The following PLEKHA7 variants were observed in gnomAD, a reference collection of about 807,000 sequenced individuals.
PLEKHA7 encodes pleckstrin homology domain-containing family A member 7.
A neutral mutation model predicts 170.0 loss-of-function variants in PLEKHA7; 104 were observed. That is an observed-to-expected ratio of 0.61 (90% confidence interval 0.52 to 0.72). The LOEUF is 0.72. PLEKHA7 is among the 30% of genes least tolerant of loss of function. PLEKHA7 has a pLI of 0.00. For synonymous variants in PLEKHA7, 648 were observed against 660.8 expected (o/e 0.98, Z 0.30); for missense variants, 1,615 against 1,671.7 (o/e 0.97, Z 0.59).
intron 3 of PLEKHA7, among the ~76,000 whole-genome samples, chr11:16,996,732 C>T (rs1864362449): frequency 6.6e-6 from 1 of 152,032 alleles, no homozygotes. Flanking sequence ...GTCACGAGAT[C>T]GAGACCATCC....
intron 3 of PLEKHA7, among the ~76,000 whole-genome samples, chr11:16,960,673 AG>A (rs1862003714): frequency 6.6e-6 from 1 of 151,838 alleles, no homozygotes; most frequent in South Asian, 2.1e-4. Flanking sequence ...CCACAGCCCA[AG>A]GTGATACTCA....
At chr11:16,885,511 T>C (rs1856025675) in intron 3 of PLEKHA7, among the ~76,000 whole-genome samples, 1 of 146,488 alleles carries the variant, frequency 6.8e-6, no homozygotes, top group Non-Finnish European at 1.5e-5. Flanking sequence ...AAAATATATA[T>C]ATATTAGCTG....
chr11:16,887,493 G>T (rs1381974759), intron 3 of PLEKHA7, among the ~76,000 whole-genome samples: 1 of 152,082 alleles, frequency 6.6e-6, no homozygotes, highest in Non-Finnish European at 1.5e-5. Context: ...CAACCTCCCT[G>T]CCTGATTCTC....
At chr11:16,869,257 C>A (rs385228) in intron 4 of PLEKHA7, among the ~76,000 whole-genome samples, 1 of 152,072 alleles carries the variant, frequency 6.6e-6, no homozygotes, top group African/African-American at 2.4e-5. Flanking sequence ...CAGCCCCTGA[C>A]TGTCATCTCC....
At chr11:16,900,454 G>A (rs557348834) in intron 3 of PLEKHA7, among the ~76,000 whole-genome samples, 64 of 152,270 alleles carry the variant, frequency 4.2e-4, no homozygotes, top group Non-Finnish European at 8.1e-4. Flanking sequence ...ATGAAATTCT[G>A]GCATAAGCAA....
chr11:16,924,064 G>A (rs184738595), intron 3 of PLEKHA7, among the ~76,000 whole-genome samples: 2 of 151,350 alleles, frequency 1.3e-5, no homozygotes, highest in East Asian at 3.9e-4. Context: ...CTGGTCCACA[G>A]CCCTCCATTT....
intron 4 of PLEKHA7, 43 bp from the exon 5 acceptor site, chr11:16,855,957 T>C (rs1265545341): frequency 3.3e-6 from 5 of 1,498,668 alleles, no homozygotes; most frequent in Non-Finnish European, 4.6e-6. Flanking sequence ...AGCCGAGCTA[T>C]AGAGTAGGAA....
intron 3 of PLEKHA7, among the ~76,000 whole-genome samples, chr11:16,892,345 C>T (rs776792544): frequency 6.6e-6 from 1 of 152,072 alleles, no homozygotes; most frequent in Non-Finnish European, 1.5e-5. Flanking sequence ...TTATAGCCAA[C>T]TCCCAGAAGC....
intron 9 of PLEKHA7, among the ~76,000 whole-genome samples, chr11:16,838,494 T>A (rs185525885): frequency 2.8e-5 from 4 of 144,206 alleles, no homozygotes; most frequent in Middle Eastern, 3.3e-3. Flanking sequence ...GCCAGGGTGA[T>A]AGATTGAGAC....
intron 8 of PLEKHA7, among the ~76,000 whole-genome samples, chr11:16,844,388 A>G (rs1471818064): frequency 6.6e-6 from 1 of 152,138 alleles, no homozygotes; most frequent in East Asian, 1.9e-4. Flanking sequence ...GCAGATTCCA[A>G]CTGTATTCTG....
chr11:16,823,239 C>T (rs764472294), intron 10 of PLEKHA7, among the ~76,000 whole-genome samples: 6 of 152,134 alleles, frequency 3.9e-5, no homozygotes, highest in Non-Finnish European at 7.4e-5. Flanking sequence ...CTTCTGGACT[C>T]AAGCGATCCT....
chr11:16,979,379 C>T (rs535821103), intron 3 of PLEKHA7, among the ~76,000 whole-genome samples: 64 of 152,070 alleles, frequency 4.2e-4, no homozygotes, highest in African/African-American at 1.5e-3. Flanking sequence ...CCTCCACCCC[C>T]ACCACCTTCA....
chr11:17,000,139 A>G (rs186092495), intron 3 of PLEKHA7, among the ~76,000 whole-genome samples: 102 of 152,330 alleles, frequency 6.7e-4, no homozygotes, highest in Middle Eastern at 3.4e-3. Flanking sequence ...ACTGAAGTGC[A>G]GTGGTGGAAT....
At chr11:17,005,323 G>A (rs61881307) in intron 3 of PLEKHA7, among the ~76,000 whole-genome samples, 21,529 of 89,022 alleles carry the variant, frequency 0.24, 1,938 homozygotes, top group East Asian at 0.49. Flanking sequence ...CTTGAGGTCA[G>A]GAGTTTGAGA....
intron 7 of PLEKHA7, among the ~76,000 whole-genome samples, 178 bp downstream of exon 7, chr11:16,852,105 C>T (rs1853018170): frequency 6.6e-6 from 1 of 152,214 alleles, no homozygotes; most frequent in South Asian, 2.1e-4. Flanking sequence ...CCAAATGGGA[C>T]AGAAACGGAA....
chr11:16,824,968 A>C, intron 10 of PLEKHA7, among the ~76,000 whole-genome samples: 1 of 152,210 alleles, frequency 6.6e-6, no homozygotes. Context: ...ATAAGACACA[A>C]AATGTGAACA....
chr11:16,938,003 G>A (rs1414397190), intron 3 of PLEKHA7, among the ~76,000 whole-genome samples: 1 of 152,158 alleles, frequency 6.6e-6, no homozygotes, highest in Non-Finnish European at 1.5e-5. Context: ...GTGCAGCTCA[G>A]CAGAAACACA....
chr11:16,787,459 T>G (rs1215721107), intron 23 of PLEKHA7: 1 of 152,608 alleles, frequency 6.6e-6, no homozygotes, highest in Admixed American at 6.6e-5. Flanking sequence ...CAACTATTGT[T>G]GGAAAGGATT....
At chr11:16,837,549 A>G (rs1221971007) in intron 9 of PLEKHA7, among the ~76,000 whole-genome samples, 1 of 152,230 alleles carries the variant, frequency 6.6e-6, no homozygotes, top group Non-Finnish European at 1.5e-5. Flanking sequence ...TAAGAAATGG[A>G]AGGCGGGGCA....
Sources: gnomAD v4.1 joint callset for allele counts (sites outside exome capture counted in the v4.1 genomes callset) on GRCh38, gnomAD v4.1.1 for gene constraint, MANE v1.5 for transcripts, NCBI Gene and HGNC (gene_info 2026-07-23, HGNC 2026-07-21) for gene names.